LRRIQ1: variants seen among roughly 807,000 people sequenced by gnomAD.
LRRIQ1 encodes the protein leucine rich repeats and IQ motif containing 1.
LRRIQ1 carries 210 observed loss-of-function variants against 211.9 expected under a neutral mutation model. That is an observed-to-expected ratio of 0.99 (90% CI 0.89 to 1.11). The LOEUF (loss-of-function observed/expected upper bound fraction) is 1.11. Among genes scored for constraint, LRRIQ1 ranks in the 50% most tolerant of loss-of-function variants. The pLI is 0.00. For missense variants in LRRIQ1, 2,136 were observed against 1,939.5 expected (o/e 1.10, Z -1.90); for synonymous variants, 699 against 650.1 (o/e 1.08, Z -1.14).
chr12:85,203,769 G>T (rs559681740), intron 24 of LRRIQ1, among the ~76,000 whole-genome samples: 1 of 152,112 alleles, frequency 6.6e-6, no homozygotes, highest in Admixed American at 6.6e-5. Context: ...GGTGACTCGG[G>T]TGCTGTAAAA....
At chr12:85,073,452 A>T (rs538285051) in intron 11 of LRRIQ1, among the ~76,000 whole-genome samples, 2 of 152,186 alleles carry the variant, frequency 1.3e-5, no homozygotes, top group South Asian at 4.1e-4. Flanking sequence ...AAGTGCATTG[A>T]TAATGTATGT....
chr12:85,252,677 A>G (rs1441758317), intron 1 of LRRIQ1, among the ~76,000 whole-genome samples: 1 of 151,878 alleles, frequency 6.6e-6, no homozygotes, highest in African/African-American at 2.4e-5. Context: ...CTTGAAAAAA[A>G]AATAACAACA....
intron 24 of LRRIQ1, among the ~76,000 whole-genome samples, chr12:85,166,633 T>C (rs1477510489): frequency 6.6e-6 from 1 of 151,108 alleles, no homozygotes; most frequent in East Asian, 2.0e-4. Flanking sequence ...AGGTCTTGCA[T>C]TTCCCTAGCT....
Position 85,055,669 on chromosome 12 carries a change from T to C in LRRIQ1, c.876T>C (p.Ala292=). 6.2e-7 allele frequency: 1 copy of C among 1,604,360 alleles called. No homozygotes were observed. Among genetic ancestry groups the C allele is most frequent in the Non-Finnish European group, 8.5e-7 (1 of 1,177,284 alleles). The part of the protein sequence containing the change: ...QQNNAAVKIQ[A]KYKAFVAYQK... ...ATAATGCAGCTGTTAAAATTCAAGC[T>C]AAATATAAAGCATTTGTTGCCTATC... Residue 292 remains alanine (A), a synonymous_variant, in exon 8 of 27, where the codon GCT becomes GCC. Coordinates refer to ENST00000393217, the MANE Select transcript of LRRIQ1 (RefSeq NM_001079910.2).
At chr12:85,113,977 TTCGTGCACTGGGTATAGGACCCCC>T (rs1887383321) in intron 15 of LRRIQ1, among the ~76,000 whole-genome samples, 1 of 145,236 alleles carries the variant, frequency 6.9e-6, no homozygotes, top group Non-Finnish European at 1.5e-5. Context: ...TTCTAGACCT[TTCGTGCACTGGGTATAGGACCCCC>T]TCATCTGGAA....
At chr12:85,114,662 AAAAT>A (rs1887444812) in intron 15 of LRRIQ1, among the ~76,000 whole-genome samples, 1 of 139,426 alleles carries the variant, frequency 7.2e-6, no homozygotes, top group Non-Finnish European at 1.6e-5. Flanking sequence ...AATATGAAAG[AAAAT>A]AAATAATATT....
In LRRIQ1 at chr12:85,101,464, C is replaced by G. The variant is rs187655731; in HGVS notation, c.3209+2470C>G. On this transcript the variant is annotated intron_variant, in intron 13 of 26. Coordinates refer to ENST00000393217, the MANE Select transcript of LRRIQ1 (RefSeq NM_001079910.2). ...TATTACCCATTGGCTGTTCATTGTA[C>G]AAATCTTTTGCTTTTTGTCGTCTTT... Among the ~76,000 whole-genome samples the G allele has an allele frequency of 2.0e-5, 3 of 151,840 alleles. No individual in the cohort carries two copies. In the East Asian group the frequency reaches 5.8e-4, roughly 29 times the overall value.
At chr12:85,080,671 GTT>G (rs1256331851) in intron 11 of LRRIQ1, among the ~76,000 whole-genome samples, 2 of 128,936 alleles carry the variant, frequency 1.6e-5, no homozygotes, top group African/African-American at 2.9e-5. Flanking sequence ...ATTTTTACTT[GTT>G]TTTTTTTTTA....
At chr12:85,136,841 T>C (rs1365924561) in intron 18 of LRRIQ1, among the ~76,000 whole-genome samples, 1 of 151,896 alleles carries the variant, frequency 6.6e-6, no homozygotes, top group African/African-American at 2.4e-5. Flanking sequence ...CTATTTTAAG[T>C]CACTTTAAAT....
At chr12:85,166,018 A>G (rs545156166) in intron 24 of LRRIQ1, among the ~76,000 whole-genome samples, 1 of 151,944 alleles carries the variant, frequency 6.6e-6, no homozygotes, top group African/African-American at 2.4e-5. Context: ...AATCTCCCAC[A>G]TTTTGAATCA....
At chr12:85,098,828 T>C in intron 12 of LRRIQ1, 39 bp from the exon 13 acceptor site, 1 of 1,399,760 alleles carries the variant, frequency 7.1e-7, no homozygotes, top group Non-Finnish European at 9.7e-7. Context: ...GATAAAATAT[T>C]TTGCTTAATA....
intron 13 of LRRIQ1, among the ~76,000 whole-genome samples, chr12:85,100,542 C>T (rs1482398134): frequency 1.3e-5 from 2 of 151,648 alleles, no homozygotes; most frequent in Non-Finnish European, 3.0e-5. Context: ...TATGTTCTTA[C>T]ACCCACAGAG....
At chr12:85,103,883 T>A in intron 13 of LRRIQ1, 121 bp from the exon 14 acceptor site, 1 of 385,578 alleles carries the variant, frequency 2.6e-6, no homozygotes, top group Non-Finnish European at 4.6e-6. Context: ...TATATAAAAT[T>A]GTATAAAATG....
At chr12:85,189,116 G>A (rs1022496487) in intron 24 of LRRIQ1, among the ~76,000 whole-genome samples, 2 of 152,048 alleles carry the variant, frequency 1.3e-5, no homozygotes, top group Non-Finnish European at 2.9e-5. Flanking sequence ...AACATAAACA[G>A]TTAGCTAATT....
In LRRIQ1 at chr12:85,160,665, T is replaced by G; in HGVS notation, c.4773T>G (p.Leu1591=). The change falls in exon 24 of 27, where the codon CTT becomes CTG. Residue 1591 remains leucine (L), a synonymous_variant. Coordinates refer to ENST00000393217, the MANE Select transcript of LRRIQ1 (RefSeq NM_001079910.2). ...AAAACAATGAAAATAAAGTGTCTCT[T>G]CCAAAATCACCAAAGATGGTACAGC... ...LFKNNENKVS[L]PKSPKMVQPR... is the part of the protein sequence containing the mutation. The G allele has an allele frequency of 3.7e-6, 6 of 1,610,996 alleles. No individual in the cohort carries two copies. The highest frequency in any genetic ancestry group is 5.1e-6 in the Non-Finnish European group (6 of 1,177,930).
At chr12:85,105,634 T>A (rs1886721146) in intron 14 of LRRIQ1, among the ~76,000 whole-genome samples, 1 of 152,060 alleles carries the variant, frequency 6.6e-6, no homozygotes. Flanking sequence ...ACATTGTAGA[T>A]AGTTCAGTAA....
chr12:85,076,030 A>T (rs1316129690), intron 11 of LRRIQ1, among the ~76,000 whole-genome samples: 1 of 152,102 alleles, frequency 6.6e-6, no homozygotes, highest in Non-Finnish European at 1.5e-5. Flanking sequence ...TCTACTTTTT[A>T]AATAAATATA....
chr12:85,254,761 A>G (rs1224757570), intron 1 of LRRIQ1, among the ~76,000 whole-genome samples: 3 of 152,012 alleles, frequency 2.0e-5, no homozygotes, highest in Admixed American at 1.3e-4. Flanking sequence ...GCAAGGTTCA[A>G]AGTAGTCACT....
chr12:85,071,914 A>G (rs987093208), intron 10 of LRRIQ1, among the ~76,000 whole-genome samples: 17 of 152,030 alleles, frequency 1.1e-4, no homozygotes, highest in African/African-American at 3.4e-4. Context: ...GATTATTACA[A>G]TTCAAGGTGA....
Sources: allele counts gnomAD v4.1 joint callset (sites outside exome capture counted in the v4.1 genomes callset), GRCh38; gene constraint gnomAD v4.1.1; transcripts MANE v1.5; gene names NCBI Gene and HGNC (gene_info 2026-07-23, HGNC 2026-07-21).